FANK1: variants seen among roughly 807,000 people sequenced by gnomAD.
The protein encoded by FANK1 is fibronectin type 3 and ankyrin repeat domains protein 1.
A neutral mutation model predicts 45.3 loss-of-function variants in FANK1; 44 were observed. The ratio of observed to expected loss-of-function variants is 0.97; its 90% CI spans 0.76 to 1.25. The LOEUF (loss-of-function observed/expected upper bound fraction) is 1.25. Among genes scored for constraint, FANK1 ranks in the 50% most tolerant of loss-of-function variants. The pLI is 0.00. For synonymous variants in FANK1, 149 were observed against 152.5 expected, an observed-to-expected ratio of 0.98 and a Z score of 0.17; for missense variants, 391 against 424.4, an observed-to-expected ratio of 0.92 and a Z score of 0.69.
rs111987168 is a variant in FANK1 at position 125,916,178 on chromosome 10, C to T, written c.13+19523C>T. ...TCAGCCTCCCAAGTAGCAGGGACTACAGGTGCATGCCACCACGCCCAGCTA... is the reference window on the plus strand; with the variant it reads ...TCAGCCTCCCAAGTAGCAGGGACTATAGGTGCATGCCACCACGCCCAGCTA... On this transcript the variant is annotated intron_variant, in intron 1 of 10. Coordinates refer to ENST00000368693, the MANE Select transcript of FANK1 (RefSeq NM_145235.5). Among the ~76,000 whole-genome samples the T allele has an allele frequency of 1.3e-5, 2 of 152,064 alleles. 1 individual carries two copies. Among genetic ancestry groups the T allele is most frequent in the Non-Finnish European group, 2.9e-5 (2 of 68,012 alleles).
At chr10:125,941,399 A>G (rs1948446399) in intron 1 of FANK1, among the ~76,000 whole-genome samples, 1 of 152,246 alleles carries the variant, frequency 6.6e-6, no homozygotes, top group Admixed American at 6.5e-5. Flanking sequence ...AGGACTGGCA[A>G]TAATTAAGTC....
At chr10:125,908,245 C>G (rs750787902) in intron 1 of FANK1, among the ~76,000 whole-genome samples, 24 of 152,154 alleles carry the variant, frequency 1.6e-4, no homozygotes, top group Non-Finnish European at 2.4e-4. Flanking sequence ...ATCTGTCTGC[C>G]TCGGCCTCCC....
intron 1 of FANK1, among the ~76,000 whole-genome samples, chr10:125,932,935 T>C (rs533667532): frequency 1.5e-3 from 226 of 152,320 alleles, no homozygotes; most frequent in African/African-American, 5.0e-3. Flanking sequence ...TTTTGTCGAA[T>C]GCATTTTCTG....
intron 1 of FANK1, among the ~76,000 whole-genome samples, chr10:125,933,045 G>A (rs915907658): frequency 2.0e-5 from 3 of 152,140 alleles, no homozygotes; most frequent in Non-Finnish European, 4.4e-5. Flanking sequence ...TCCCTGGTAT[G>A]AAATCCATTT....
chr10:125,995,567 T>C, intron 4 of FANK1, 69 bp downstream of exon 4: 1 of 1,430,914 alleles, frequency 7.0e-7, no homozygotes, highest in Admixed American at 1.7e-5. Context: ...CATGCAGTAG[T>C]TTCATTTTGT....
At chr10:125,967,694 C>T (rs1332379560) in intron 1 of FANK1, among the ~76,000 whole-genome samples, 2 of 152,206 alleles carry the variant, frequency 1.3e-5, no homozygotes, top group African/African-American at 4.8e-5. Context: ...GCCTCAACCT[C>T]CTGGGCTCAA....
At chr10:125,995,532 C>A in intron 4 of FANK1, 34 bp downstream of exon 4, 1 of 1,593,984 alleles carries the variant, frequency 6.3e-7, no homozygotes, top group Non-Finnish European at 8.6e-7. Context: ...TTTTTTCCCC[C>A]ATGCCTATAA....
chr10:125,962,791 T>C (rs1425124197), intron 1 of FANK1, among the ~76,000 whole-genome samples: 1 of 152,096 alleles, frequency 6.6e-6, no homozygotes, highest in African/African-American at 2.4e-5. Context: ...GTTACTGTTA[T>C]TTCGTTTCCT....
chr10:125,924,307 G>A (rs181228994), intron 1 of FANK1, among the ~76,000 whole-genome samples: 2,536 of 147,004 alleles, frequency 0.017, 41 homozygotes, highest in Non-Finnish European at 0.029. Context: ...AGGCTGGAGT[G>A]CAGTGGCACA....
intron 5 of FANK1, 30 bp downstream of exon 5, chr10:125,996,654 T>C (rs1175467728): frequency 1.9e-6 from 3 of 1,598,504 alleles, no homozygotes; most frequent in African/African-American, 2.7e-5. Flanking sequence ...TAAATCTCTC[T>C]TGGGGATTTA....
intron 4 of FANK1, among the ~76,000 whole-genome samples, chr10:125,995,725 GGAATTACAAGGCT>G (rs1451431218): frequency 2.9e-4 from 44 of 152,194 alleles, no homozygotes; most frequent in South Asian, 1.0e-3. Context: ...AATTGTAAAA[GGAATTACAAGGCT>G]GGGTGTCATA....
chr10:126,009,105 G>A lies in FANK1; in HGVS notation c.901G>A (p.Gly301Arg). ...EELVQLLLDK[G>R]ADASVKNEFG... ...GTTAGTTCAGTTACTTCTTGACAAA[G>A]GGGCAGATGCAAGTGTAAAAAATGA... The change falls in exon 9 of 11, where the codon GGG becomes AGG. Residue 301 changes from glycine to arginine, a missense_variant. Physicochemically the swap from Gly to Arg is moderately radical, Grantham distance 125 (BLOSUM62 -2). Transcript: ENST00000368693. 6.2e-7 allele frequency: 1 copy of A among 1,614,188 alleles called. No individual in the cohort carries two copies. Among genetic ancestry groups the A allele is most frequent in the Non-Finnish European group, 8.5e-7 (1 of 1,180,034 alleles).
At position 125,901,096 on chromosome 10, in the gene FANK1, C is replaced by T. The variant is rs540753985; in HGVS notation, c.13+4441C>T. 7.1e-3 allele frequency among the ~76,000 whole-genome samples: 1,087 copies of T among 152,136 alleles called. 12 individuals carry two copies. The highest frequency in any genetic ancestry group is 0.025 in the African/African-American group (1,022 of 41,512). Reference sequence around the variant, plus strand: ...TAGCCAGGACTGCCTACTGGGCTCACGCATGTTTTTAAAGAAATGGTAGAT... The same window carrying T: ...TAGCCAGGACTGCCTACTGGGCTCATGCATGTTTTTAAAGAAATGGTAGAT... On this transcript the variant is annotated intron_variant, in intron 1 of 10. Transcript: ENST00000368693.
intron 3 of FANK1, among the ~76,000 whole-genome samples, chr10:125,991,769 C>T (rs1185696522): frequency 6.6e-6 from 1 of 152,206 alleles, no homozygotes; most frequent in Non-Finnish European, 1.5e-5. Flanking sequence ...CTCCAATGAG[C>T]TCGTGATTTA....
intron 1 of FANK1, among the ~76,000 whole-genome samples, chr10:125,955,135 G>A (rs535720583): frequency 6.6e-6 from 1 of 151,092 alleles, no homozygotes; most frequent in Admixed American, 6.6e-5. Flanking sequence ...TTAAGTTCAG[G>A]GGTACATGTG....
At chr10:125,905,684 C>T (rs2134107196) in intron 1 of FANK1, among the ~76,000 whole-genome samples, 1 of 152,222 alleles carries the variant, frequency 6.6e-6, no homozygotes, top group African/African-American at 2.4e-5. Flanking sequence ...TGGGAGATAA[C>T]TCCCCCCTCT....
rs113257579 is a variant in FANK1 at position 125,991,250 on chromosome 10, G to GGTGTGTGTGTGTGTGTGTGTGTGTGT, written c.316+2578_316+2603dup. On this transcript the variant is annotated intron_variant, in intron 3 of 10. Transcript: ENST00000368693. Reference sequence around the variant, plus strand: ...GGATGAGTGTGTGGTGGTGACCAGGGGTGTGTGTGTGTGTGTGTGTGTGTG... The same window carrying GGTGTGTGTGTGTGTGTGTGTGTGTGT: ...GGATGAGTGTGTGGTGGTGACCAGGGGTGTGTGTGTGTGTGTGTGTGTGTGTGTGTGTGTGTGTGTGTGTGTGTGTG... Among the ~76,000 whole-genome samples the GGTGTGTGTGTGTGTGTGTGTGTGTGT allele has an allele frequency of 7.6e-4, 111 of 145,984 alleles. 1 individual carries two copies. The highest frequency in any genetic ancestry group is 2.5e-3 in the African/African-American group (100 of 39,394).
In FANK1 at chr10:125,952,812, C is replaced by T. The variant is rs879761752; in HGVS notation, c.14-27349C>T. On this transcript the variant is annotated intron_variant, in intron 1 of 10. Coordinates refer to ENST00000368693, the MANE Select transcript of FANK1 (RefSeq NM_145235.5). ...AGCAGGAAATACATACACACACACACACACACACACACACACACACACACA... is the reference window on the plus strand; with the variant it reads ...AGCAGGAAATACATACACACACACATACACACACACACACACACACACACA... Among the ~76,000 whole-genome samples, 249 of 37,938 alleles carry T rather than the reference C, an allele frequency of 6.6e-3. 1 individual carries two copies. The highest frequency in any genetic ancestry group is 8.3e-3 in the Non-Finnish European group (155 of 18,622). The allele number at this position is 37,938 out of a possible 152,430, so 24.9% of individuals were successfully genotyped here.
At chr10:126,006,555 T>C (rs1009426407) in intron 7 of FANK1, among the ~76,000 whole-genome samples, 9 of 152,152 alleles carry the variant, frequency 5.9e-5, no homozygotes, top group African/African-American at 1.9e-4. Flanking sequence ...GGTTGTACTT[T>C]GCTGAAAGAA....
Sources: allele counts gnomAD v4.1 joint callset (sites outside exome capture counted in the v4.1 genomes callset), GRCh38; gene constraint gnomAD v4.1.1; transcripts MANE v1.5; gene names NCBI Gene and HGNC (gene_info 2026-07-23, HGNC 2026-07-21).